Variants in PHLDB2 observed in about 807,000 individuals in gnomAD.
The protein encoded by PHLDB2 is pleckstrin homology-like domain family B member 2.
PHLDB2 carries 71 observed loss-of-function variants against 123.6 expected under a neutral mutation model. That is an observed-to-expected ratio of 0.57 (90% CI 0.47 to 0.70). The LOEUF (loss-of-function observed/expected upper bound fraction) is 0.70, where lower values mean the gene tolerates loss of function less well. Ranked by LOEUF, PHLDB2 falls within the 30% of genes least tolerant of loss-of-function variation. The pLI, the probability that PHLDB2 is intolerant of heterozygous loss-of-function variation, is 0.00. For missense variants in PHLDB2, 1,446 were observed against 1,519.5 expected (o/e 0.95, Z 0.80); for synonymous variants, 547 against 541.6 (o/e 1.01, Z -0.14).
At chr3:111,889,519 T>C (rs1270766870) in intron 2 of PHLDB2, among the ~76,000 whole-genome samples, 1 of 151,912 alleles carries the variant, frequency 6.6e-6, no homozygotes, top group East Asian at 1.9e-4. Flanking sequence ...CCGGGCAACA[T>C]GGCAAAACCC....
chr3:111,954,053 T>G, intron 12 of PHLDB2, 24 bp downstream of exon 12: 2 of 1,593,780 alleles, frequency 1.3e-6, no homozygotes, highest in South Asian at 2.2e-5. Flanking sequence ...AAATCAAGTG[T>G]CATGGCCTTT....
At chr3:111,955,851 A>G (rs1401689708) in intron 12 of PHLDB2, among the ~76,000 whole-genome samples, 4 of 152,230 alleles carry the variant, frequency 2.6e-5, no homozygotes, top group Non-Finnish European at 5.9e-5. Flanking sequence ...TGTTTAATTG[A>G]AAGAGCAAGC....
At chr3:111,834,909 A>G (rs886185412) in intron 1 of PHLDB2, among the ~76,000 whole-genome samples, 4 of 152,072 alleles carry the variant, frequency 2.6e-5, no homozygotes, top group Non-Finnish European at 5.9e-5. Flanking sequence ...TGGTTTTTAT[A>G]TATCCTTTCT....
upstream of PHLDB2, among the ~76,000 whole-genome samples, chr3:111,858,478 G>T (rs1411618497): frequency 6.6e-6 from 1 of 152,066 alleles, no homozygotes; most frequent in Non-Finnish European, 1.5e-5. Flanking sequence ...AATTAAAAAA[G>T]AAATTTAAAA....
intron 1 of PHLDB2, among the ~76,000 whole-genome samples, chr3:111,844,832 A>G (rs1017784061): frequency 6.6e-6 from 1 of 152,200 alleles, no homozygotes; most frequent in African/African-American, 2.4e-5. Context: ...AAAAAATGAC[A>G]GCACTTAGTC....
chr3:111,894,988 A>G (rs1033351198), intron 2 of PHLDB2, among the ~76,000 whole-genome samples: 37 of 151,656 alleles, frequency 2.4e-4, no homozygotes, highest in Non-Finnish European at 1.3e-4. Flanking sequence ...GTATATGTTG[A>G]TTAAATATTA....
rs148231845 is a variant in PHLDB2 at position 111,765,136 on chromosome 3, A to G, written c.-49+32433A>G. On this transcript the variant is annotated intron_variant, in intron 1 of 17. Coordinates refer to the PHLDB2 transcript ENST00000393923. Reference sequence around the variant, plus strand: ...AGAGTTCAACAAATTCTCATTCTCAATAGGCAGGCGTGAAACACTCTTAAC... The same window carrying G: ...AGAGTTCAACAAATTCTCATTCTCAGTAGGCAGGCGTGAAACACTCTTAAC... Among the ~76,000 whole-genome samples the G allele has an allele frequency of 4.3e-3, 655 of 152,338 alleles. 1 individual carries two copies. The highest frequency in any genetic ancestry group is 0.015 in the African/African-American group (631 of 41,580).
Position 111,976,224 on chromosome 3 carries a change from A to G in PHLDB2, c.*1661A>G, listed in dbSNP as rs1199403312. 2.0e-5 allele frequency: 3 copies of G among 152,272 alleles called. No individual in the cohort carries two copies. Among genetic ancestry groups the G allele is most frequent in the Non-Finnish European group, 2.9e-5 (2 of 68,032 alleles). 9.4% of individuals were successfully genotyped at this position (152,272 alleles called of 1,614,324 possible). A position where few individuals can be genotyped will look rare whatever the true frequency, so the allele number is the denominator to read the frequency against. ...TTAAATATGTGTGTTAAATATATTGAGTTTGGATTAAAATGTTGACATGAT... is the reference window on the plus strand; with the variant it reads ...TTAAATATGTGTGTTAAATATATTGGGTTTGGATTAAAATGTTGACATGAT... On this transcript the variant is annotated 3_prime_UTR_variant, in exon 18 of 18. Coordinates refer to ENST00000431670, the MANE Select transcript of PHLDB2 (RefSeq NM_001134438.2).
At chr3:111,972,685 C>T (rs2072287420) in intron 16 of PHLDB2, among the ~76,000 whole-genome samples, 1 of 151,538 alleles carries the variant, frequency 6.6e-6, no homozygotes, top group Non-Finnish European at 1.5e-5. Flanking sequence ...AGGGTTTTTT[C>T]CTTAGGAGCA....
intron 7 of PHLDB2, 96 bp from the exon 8 acceptor site, chr3:111,940,439 C>T (rs777067381): frequency 8.4e-6 from 5 of 597,500 alleles, no homozygotes; most frequent in Non-Finnish European, 1.2e-5. Context: ...ACTGTTATTC[C>T]AGTGGTGAAA....
chr3:111,879,788 A>G lies in PHLDB2; in HGVS notation c.-14-4276A>G, dbSNP rs150829012. On this transcript the variant is annotated intron_variant, in intron 1 of 17. Coordinates refer to ENST00000431670, the MANE Select transcript of PHLDB2 (RefSeq NM_001134438.2). ...TAAAAGAAGGCAAAAGCAGTCTCGA[A>G]TAATCAGAACCCTTCTGCCAGATTG... is the stretch of plus-strand genomic sequence containing the variant. 2.5e-3 allele frequency among the ~76,000 whole-genome samples: 386 copies of G among 152,314 alleles called. 1 individual carries two copies. Among genetic ancestry groups the G allele is most frequent in the African/African-American group, 9.1e-3 (380 of 41,576 alleles).
At chr3:111,959,410 T>C (rs2071256278) in intron 12 of PHLDB2, among the ~76,000 whole-genome samples, 1 of 152,220 alleles carries the variant, frequency 6.6e-6, no homozygotes, top group Non-Finnish European at 1.5e-5. Context: ...TCCACTCACT[T>C]TGGATTCATG....
At chr3:111,903,768 A>G (rs749960745) in intron 2 of PHLDB2, among the ~76,000 whole-genome samples, 3 of 152,214 alleles carry the variant, frequency 2.0e-5, no homozygotes, top group Non-Finnish European at 2.9e-5. Context: ...CACATAGTCT[A>G]TCACATGTTC....
chr3:111,898,160 CTTTGTGTGTGTGTGTGTGTG>C (rs1455449119), intron 2 of PHLDB2, among the ~76,000 whole-genome samples: 14 of 138,038 alleles, frequency 1.0e-4, no homozygotes, highest in Non-Finnish European at 1.5e-4. Flanking sequence ...GTGGCAATTT[CTTTGTGTGTGTGTGTGTGTG>C]TTTGTGTGTG....
intron 1 of PHLDB2, among the ~76,000 whole-genome samples, chr3:111,815,280 G>T (rs553055543): frequency 1.2e-3 from 178 of 152,296 alleles, no homozygotes; most frequent in Non-Finnish European, 2.0e-3. Flanking sequence ...CTGCTGAGAA[G>T]ATACCCAGAA....
intron 2 of PHLDB2, among the ~76,000 whole-genome samples, chr3:111,890,725 C>T (rs188544828): frequency 2.6e-5 from 4 of 151,846 alleles, no homozygotes; most frequent in African/African-American, 7.3e-5. Context: ...TATTAAAGAT[C>T]GAACTGTAAT....
Position 111,974,570 on chromosome 3 carries a change from G to A in PHLDB2, c.*7G>A. ...CACTCACTTCTTGTTGTAGTGAACT[G>A]AGGCAACAGTCCACTTCAGGGCAGA... On this transcript the variant is annotated 3_prime_UTR_variant, in exon 18 of 18. Coordinates refer to ENST00000431670, the MANE Select transcript of PHLDB2 (RefSeq NM_001134438.2). 6.2e-7 allele frequency: 1 copy of A among 1,608,172 alleles called. No individual in the cohort carries two copies. The highest frequency in any genetic ancestry group is 8.5e-7 in the Non-Finnish European group (1 of 1,177,406).
chr3:111,830,115 T>C (rs1019691006), intron 1 of PHLDB2, among the ~76,000 whole-genome samples: 1 of 152,194 alleles, frequency 6.6e-6, no homozygotes, highest in Non-Finnish European at 1.5e-5. Flanking sequence ...ATAAAGCTAC[T>C]AAAATTTGGA....
intron 1 of PHLDB2, among the ~76,000 whole-genome samples, chr3:111,811,323 G>T (rs1444547762): frequency 2.0e-5 from 3 of 152,068 alleles, no homozygotes; most frequent in African/African-American, 7.2e-5. Flanking sequence ...GTCTCTTCAT[G>T]AAATCATTTT....
Sources: allele counts gnomAD v4.1 joint callset (sites outside exome capture counted in the v4.1 genomes callset), GRCh38; gene constraint gnomAD v4.1.1; transcripts MANE v1.5; gene names NCBI Gene and HGNC (gene_info 2026-07-23, HGNC 2026-07-21).